The following WDR27 variants were observed in gnomAD, a reference collection of about 807,000 sequenced individuals.
The protein encoded by WDR27 is WD repeat-containing protein 27.
A neutral mutation model predicts 114.4 loss-of-function variants in WDR27; 100 were observed. The observed-to-expected ratio is 0.87, with a 90% CI of 0.74 to 1.03. WDR27 has a LOEUF of 1.03. WDR27 is among the 50% of genes least tolerant of loss of function. WDR27 has a pLI of 0.00. For synonymous variants in WDR27, 449 were observed against 423.1 expected (o/e 1.06, Z -0.75); for missense variants, 1,129 against 1,092.9 (o/e 1.03, Z -0.47).
intron 25 of WDR27, among the ~76,000 whole-genome samples, chr6:169,493,008 G>C (rs1231471196): frequency 6.6e-6 from 1 of 152,008 alleles, no homozygotes; most frequent in Non-Finnish European, 1.5e-5. Flanking sequence ...AAGGGAAATA[G>C]CAGAATTCAT....
chr6:169,467,611 G>C (rs10455746), intron 25 of WDR27, among the ~76,000 whole-genome samples: 1 of 152,224 alleles, frequency 6.6e-6, no homozygotes, highest in Non-Finnish European at 1.5e-5. Flanking sequence ...CTGTGATGCA[G>C]GGCACCAAGT....
chr6:169,431,135 C>T, the WDR27 span, among the ~76,000 whole-genome samples: 173 of 152,232 alleles, frequency 1.1e-3, no homozygotes, highest in Middle Eastern at 0.02. Flanking sequence ...TTGCCAGCTC[C>T]CAAAGCCTCA....
chr6:169,696,500 G>A (rs939354991), intron 1 of WDR27, among the ~76,000 whole-genome samples: 7 of 152,162 alleles, frequency 4.6e-5, no homozygotes, highest in Non-Finnish European at 7.3e-5. Context: ...AAAGCTGTCC[G>A]ATCAAAACGG....
intron 22 of WDR27, among the ~76,000 whole-genome samples, chr6:169,611,954 G>A (rs1810638500): frequency 6.8e-6 from 1 of 147,958 alleles, no homozygotes; most frequent in African/African-American, 2.6e-5. Context: ...AGCCAACATG[G>A]TGAAAATGCG....
chr6:169,651,619 T>C (rs1162666039), intron 14 of WDR27, among the ~76,000 whole-genome samples: 2 of 152,100 alleles, frequency 1.3e-5, no homozygotes, highest in East Asian at 3.9e-4. Flanking sequence ...TACAGCATCG[T>C]CATGCTCTCC....
At chr6:169,506,815 A>G (rs1030665320) in intron 25 of WDR27, among the ~76,000 whole-genome samples, 1 of 152,226 alleles carries the variant, frequency 6.6e-6, no homozygotes, top group African/African-American at 2.4e-5. Flanking sequence ...ATATTTCCAC[A>G]TGTGGCTTGG....
At chr6:169,483,695 A>C (rs1320910920) in intron 25 of WDR27, among the ~76,000 whole-genome samples, 9 of 151,882 alleles carry the variant, frequency 5.9e-5, no homozygotes, top group African/African-American at 2.2e-4. Flanking sequence ...TGGCAAACAC[A>C]AACACACACA....
intron 21 of WDR27, among the ~76,000 whole-genome samples, chr6:169,619,758 T>A (rs1215320358): frequency 1.3e-5 from 2 of 152,196 alleles, no homozygotes; most frequent in Non-Finnish European, 2.9e-5. Flanking sequence ...TGGCTGCCCT[T>A]GGAGACAACA....
chr6:169,438,119 T>C, the WDR27 span, among the ~76,000 whole-genome samples: 1 of 152,200 alleles, frequency 6.6e-6, no homozygotes, highest in Non-Finnish European at 1.5e-5. Flanking sequence ...CTCATTTTTA[T>C]ATCTATGTGT....
At chr6:169,624,350 C>A (rs111889710) in intron 21 of WDR27, among the ~76,000 whole-genome samples, 6,841 of 152,204 alleles carry the variant, frequency 0.045, 440 homozygotes, top group African/African-American at 0.14. Flanking sequence ...GATCCGAGGA[C>A]AAAGAACACC....
rs757177742 is a variant in WDR27, at chr6:169,658,386, T to G, written c.1320-28A>C. ...GAAACAGAAACAAGCCCCATGAAAC[T>G]AGGAGCGCAAACGACGATACGATGG... On this transcript the variant is annotated intron_variant, in intron 12 of 25. Coordinates refer to ENST00000448612, the MANE Select transcript of WDR27 (RefSeq NM_182552.5). 4 of 1,557,472 alleles carry G rather than the reference T, an allele frequency of 2.6e-6. No individual in the cohort carries two copies. In the African/African-American group the frequency reaches 5.5e-5, roughly 21 times the overall value.
chr6:169,670,458 A>T (rs1381289342), intron 4 of WDR27, 111 bp downstream of exon 4: 22 of 1,062,980 alleles, frequency 2.1e-5, no homozygotes, highest in Admixed American at 1.7e-4. Flanking sequence ...GATATAGCTT[A>T]AAAAAAAAGG....
At chr6:169,572,861 C>A (rs1801680835) in intron 24 of WDR27, among the ~76,000 whole-genome samples, 1 of 152,188 alleles carries the variant, frequency 6.6e-6, no homozygotes, top group Admixed American at 6.5e-5. Flanking sequence ...TGCCCAAAGA[C>A]ATACATCAAA....
chr6:169,468,119 C>T (rs1785850606), intron 25 of WDR27, among the ~76,000 whole-genome samples: 1 of 152,200 alleles, frequency 6.6e-6, no homozygotes, highest in Admixed American at 6.5e-5. Context: ...ACCTTTACTC[C>T]AGTTCCCAAA....
the WDR27 span, among the ~76,000 whole-genome samples, chr6:169,445,913 GGCAGGCCCCT>G: frequency 6.6e-6 from 1 of 152,116 alleles, no homozygotes; most frequent in Non-Finnish European, 1.5e-5. Flanking sequence ...GGTGGGGGGA[GGCAGGCCCCT>G]GCAGGCCCCC....
intron 25 of WDR27, among the ~76,000 whole-genome samples, chr6:169,509,431 G>A (rs1462998378): frequency 6.6e-6 from 1 of 152,068 alleles, no homozygotes; most frequent in Non-Finnish European, 1.5e-5. Flanking sequence ...CGAAAACAGA[G>A]ATATAGACCA....
chr6:169,574,164 G>C (rs879590620), intron 24 of WDR27, among the ~76,000 whole-genome samples: 1 of 152,246 alleles, frequency 6.6e-6, no homozygotes, highest in Non-Finnish European at 1.5e-5. Context: ...CTTGGATTCC[G>C]AAGCCACTCT....
At position 169,664,212 on chromosome 6, in the gene WDR27, CTCTG is replaced by C. The variant is rs1827135856; in HGVS notation, c.854_857del (p.Thr285ArgfsTer35). ...ACTTAACCCTTCTTGTGGAGAAAGTCTCTGTCTTCTTCCTTAGGTCAACCCGTGC... is the reference window on the plus strand; with the variant it reads ...ACTTAACCCTTCTTGTGGAGAAAGTCTCTTCTTCCTTAGGTCAACCCGTGC... On this transcript the variant is annotated frameshift_variant, in exon 8 of 26. Coordinates refer to ENST00000448612, the MANE Select transcript of WDR27 (RefSeq NM_182552.5). LOFTEE classifies it high-confidence loss of function. The C allele has an allele frequency of 6.2e-7, 1 of 1,612,360 alleles. No homozygotes were observed. Among genetic ancestry groups the C allele is most frequent in the Non-Finnish European group, 8.5e-7 (1 of 1,178,988 alleles).
At chr6:169,658,983 G>C (rs371409708) in intron 12 of WDR27, 103 bp downstream of exon 12, 1 of 1,431,190 alleles carries the variant, frequency 7.0e-7, no homozygotes, top group Non-Finnish European at 9.1e-7. Flanking sequence ...CACCGCGCCC[G>C]GCCAGAGCTC....
Sources: gnomAD v4.1 joint callset for allele counts (sites outside exome capture counted in the v4.1 genomes callset) on GRCh38, gnomAD v4.1.1 for gene constraint, MANE v1.5 for transcripts, NCBI Gene and HGNC (gene_info 2026-07-23, HGNC 2026-07-21) for gene names.